The following SLC6A12 variants were observed in gnomAD, a reference collection of about 807,000 sequenced individuals.
SLC6A12 encodes solute carrier family 6 member 12.
Under a neutral mutation model 73.3 loss-of-function variants are expected in SLC6A12, and 50 were observed. That is an observed-to-expected ratio of 0.68 (90% CI 0.54 to 0.86). SLC6A12 has a LOEUF of 0.86. Ranked by LOEUF, SLC6A12 falls within the 40% of genes least tolerant of loss-of-function variation. The pLI is 0.00. For missense variants in SLC6A12, 648 were observed against 772.8 expected (o/e 0.84, Z 1.92); for synonymous variants, 304 against 309.2 (o/e 0.98, Z 0.18).
At chr12:192,973 A>AGGGGCTCGG (rs2137109293) in intron 14 of SLC6A12, 2 of 510,514 alleles carry the variant, frequency 3.9e-6, no homozygotes, top group Non-Finnish European at 7.1e-6. Context: ...AAAGGAAGGG[A>AGGGGCTCGG]AGGGCTCAGA....
chr12:187,670 C>G (rs1471057571), downstream of SLC6A12, among the ~76,000 whole-genome samples: 1 of 148,344 alleles, frequency 6.7e-6, no homozygotes, highest in Non-Finnish European at 1.5e-5. Flanking sequence ...ACAACGCGAC[C>G]CCAGCGGGTT....
At position 196,854 on chromosome 12, in the gene SLC6A12, G is replaced by C; in HGVS notation, c.1104C>G (p.Pro368=). 6.2e-7 allele frequency: 1 copy of C among 1,613,812 alleles called. No individual in the cohort carries two copies. The highest frequency in any genetic ancestry group is 8.5e-7 in the Non-Finnish European group (1 of 1,179,830). ...ATAAGGGCATCATAGTCACAGCCTT[G>C]GGGAAGGCGATGAAGGCCAGCCCAG... is the stretch of plus-strand genomic sequence containing the variant. ...SGPGLAFIAF[P]KAVTMMPLSQ... is the part of the protein sequence containing the mutation. Residue 368 remains proline (P), a synonymous_variant, in exon 11 of 16, where the codon CCC becomes CCG. Coordinates refer to ENST00000684302, the MANE Select transcript of SLC6A12 (RefSeq NM_001122848.3).
chr12:197,979 T>C lies in SLC6A12; in HGVS notation c.871A>G (p.Ile291Val), dbSNP rs1379298765. Residue 291 changes from isoleucine to valine, a missense_variant, in exon 9 of 16, where the codon ATC becomes GTC. Physicochemically the swap from Ile to Val is conservative, Grantham distance 29. Coordinates refer to ENST00000684302, the MANE Select transcript of SLC6A12 (RefSeq NM_001122848.3). The part of the protein sequence containing the change: ...PQVWMDAGTQ[I>V]FFSFAICQGC... ...TGGCAGATGGCAAAGGAGAAGAAGA[T>C]CTGGGTGCCCGCATCCATCCACACC... The C allele has an allele frequency of 1.2e-6, 2 of 1,612,168 alleles. No homozygotes were observed. The highest frequency in any genetic ancestry group is 2.2e-5 in the East Asian group (1 of 44,710).
At chr12:185,878 A>G (rs1182016211), downstream of SLC6A12, among the ~76,000 whole-genome samples, 1 of 152,208 alleles carries the variant, frequency 6.6e-6, no homozygotes, top group Non-Finnish European at 1.5e-5. Context: ...TGGCAAACAC[A>G]TCCTCCCATG....
chr12:194,878 TCG>T (rs1021544420), intron 13 of SLC6A12, among the ~76,000 whole-genome samples: 1 of 152,120 alleles, frequency 6.6e-6, no homozygotes, highest in Non-Finnish European at 1.5e-5. Flanking sequence ...TTGCGGAGGA[TCG>T]GGCTAAGTGG....
In SLC6A12 at chr12:213,001, A is replaced by G. The variant is rs766214654; in HGVS notation, c.-142-891T>C. On this transcript the variant is annotated intron_variant, in intron 1 of 15. Transcript: ENST00000684302. This position sits in a 1 kb window ranked among gnomAD's most constrained non-coding sequence, Gnocchi z 5.3. ...GCTGCCCAGAGAGCAAATCTTCAAG[A>G]GACTAGAAAGTCCAAAGTTAAGTCT... Among the ~76,000 whole-genome samples the G allele has an allele frequency of 3.9e-5, 6 of 152,148 alleles. No homozygotes were observed. Among genetic ancestry groups the G allele is most frequent in the Admixed American group, 6.5e-5 (1 of 15,286 alleles).
rs538035732 is a variant in SLC6A12 at position 213,710 on chromosome 12, C to G, written c.-143+212G>C. The G allele has an allele frequency of 6.6e-6, 1 of 152,640 alleles. No homozygotes were observed. Among genetic ancestry groups the G allele is most frequent in the Non-Finnish European group, 1.5e-5 (1 of 68,358 alleles). The allele number at this position is 152,640 out of a possible 1,614,324, so 9.5% of individuals were successfully genotyped here. On this transcript the variant is annotated intron_variant, in intron 1 of 15. Coordinates refer to ENST00000684302, the MANE Select transcript of SLC6A12 (RefSeq NM_001122848.3). This position sits in a 1 kb window ranked among gnomAD's most constrained non-coding sequence, Gnocchi z 5.3. ...CAGGCTAATCACTGAGCTGCTCCCA[C>G]GCTGGATGGGGCGGAGCTAGGGGGC...
intron 14 of SLC6A12, 23 bp from the exon 15 acceptor site, chr12:192,671 A>G (rs1214730860): frequency 4.3e-6 from 7 of 1,612,538 alleles, no homozygotes; most frequent in Non-Finnish European, 5.1e-6. Context: ...AGGGGCAGCC[A>G]TGGGTAAGAT....
intron 3 of SLC6A12, among the ~76,000 whole-genome samples, chr12:206,563 C>G (rs7295053): frequency 0.033 from 5,040 of 152,322 alleles, 181 homozygotes; most frequent in African/African-American, 0.093. Context: ...AAAACTCTTG[C>G]ACCAATCTGC....
chr12:187,786 C>T (rs934955498), downstream of SLC6A12, among the ~76,000 whole-genome samples: 3 of 151,980 alleles, frequency 2.0e-5, no homozygotes, highest in Admixed American at 6.6e-5. Context: ...TTTTACAGAG[C>T]GCTGATTGGT....
chr12:188,055 C>T (rs866328451), downstream of SLC6A12, among the ~76,000 whole-genome samples: 5 of 152,358 alleles, frequency 3.3e-5, no homozygotes, highest in Middle Eastern at 0.014. Context: ...GCTGGCTTCA[C>T]CCAGTGGATC....
intron 9 of SLC6A12, 91 bp from the exon 10 acceptor site, chr12:197,592 TGAGAG>T: frequency 7.4e-7 from 1 of 1,357,450 alleles, no homozygotes; most frequent in African/African-American, 1.5e-5. Flanking sequence ...CAAAAGACAG[TGAGAG>T]GGGACCAAGG....
In SLC6A12 at chr12:204,582, T is replaced by C; in HGVS notation, c.331A>G (p.Ile111Val). 1 of 1,614,110 alleles carries C rather than the reference T, an allele frequency of 6.2e-7. No homozygotes were observed. Among genetic ancestry groups the C allele is most frequent in the Non-Finnish European group, 8.5e-7 (1 of 1,180,000 alleles). Residue 111 changes from isoleucine (I) to valine (V), a missense_variant, in exon 4 of 16, where the codon ATC becomes GTC. Transcript: ENST00000684302. ...SQGSVTAWRK[I>V]CPLFQGIGLA... ...TACATACCCTGGAAGAGGGGGCAGA[T>C]CTTCCTCCAGGCTGTGACACTCCCT...
intron 4 of SLC6A12, chr12:203,567 CG>C (rs1940429547): frequency 6.6e-6 from 1 of 151,986 alleles, no homozygotes; most frequent in African/African-American, 2.4e-5. Context: ...CCGCGGGGAG[CG>C]GGCGGGGCGT....
chr12:207,483 T>C (rs934079232), intron 3 of SLC6A12, among the ~76,000 whole-genome samples: 4 of 152,228 alleles, frequency 2.6e-5, no homozygotes, highest in Admixed American at 6.5e-5. Context: ...GACCAATAGT[T>C]TTATTACTCT....
downstream of SLC6A12, among the ~76,000 whole-genome samples, chr12:187,661 C>G (rs1939461372): frequency 7.1e-6 from 1 of 140,786 alleles, no homozygotes; most frequent in Admixed American, 7.2e-5. Context: ...CCACTGCACA[C>G]AACGCGACCC....
chr12:191,131 C>A lies in SLC6A12; in HGVS notation c.1782G>T (p.Arg594=). 1 of 1,348,308 alleles carries A rather than the reference C, an allele frequency of 7.4e-7. No individual in the cohort carries two copies. Among genetic ancestry groups the A allele is most frequent in the South Asian group, 2.5e-5 (1 of 40,548 alleles). 83.5% of individuals were successfully genotyped at this position (1,348,308 alleles called of 1,614,324 possible). A position where few individuals can be genotyped will look rare whatever the true frequency, so the allele number is the denominator to read the frequency against. ...QHPCLDGSAG[R]NFGPSPTREG... The stretch of plus-strand genomic sequence containing the variant: ...CCCTTGTTGGGGAGGGCCCAAAGTT[C>A]CGGCCAGCACTGCCATCCAAGCAGG... The change falls in exon 16 of 16, where the codon CGG becomes CGT. Residue 594 remains arginine (R), a synonymous_variant. Coordinates refer to ENST00000684302, the MANE Select transcript of SLC6A12 (RefSeq NM_001122848.3).
At chr12:191,599 C>T (rs200153514) in intron 15 of SLC6A12, among the ~76,000 whole-genome samples, 7 of 117,852 alleles carry the variant, frequency 5.9e-5, no homozygotes, top group Admixed American at 8.5e-5. Context: ...ATTGTTATTA[C>T]TATTATTATG....
chr12:201,681 T>C (rs1940270988), intron 6 of SLC6A12, 81 bp downstream of exon 6: 1 of 1,126,594 alleles, frequency 8.9e-7, no homozygotes, highest in South Asian at 1.3e-5. Flanking sequence ...AATCTTAAAC[T>C]TGCACCCCAG....
Sources: allele counts gnomAD v4.1 joint callset (sites outside exome capture counted in the v4.1 genomes callset), GRCh38; gene constraint gnomAD v4.1.1; non-coding constraint Gnocchi (gnomAD v3.1); transcripts MANE v1.5; gene names NCBI Gene and HGNC (gene_info 2026-07-23, HGNC 2026-07-21).